SCAF4: variants seen among roughly 807,000 people sequenced by gnomAD.
SCAF4 encodes the protein SR-related CTD associated factor 4, also known as SR-related and CTD-associated factor 4.
A neutral mutation model predicts 129.8 loss-of-function variants in SCAF4; 25 were observed. That is an observed-to-expected ratio of 0.19 (90% CI 0.14 to 0.27). SCAF4 has a LOEUF of 0.27. Ranked by LOEUF, SCAF4 falls within the 10% of genes least tolerant of loss-of-function variation. The pLI, the probability that SCAF4 is intolerant of heterozygous loss-of-function variation, is 1.00. For missense variants in SCAF4, 1,246 were observed against 1,457.1 expected (o/e 0.86, Z 2.36); for synonymous variants, 551 against 497.7 (o/e 1.11, Z -1.43).
chr21:31,717,904 TACACACACACACACAC>T lies in SCAF4; in HGVS notation c.31-11563_31-11548del, dbSNP rs35191665. Among the ~76,000 whole-genome samples, 149 of 117,988 alleles carry T rather than the reference TACACACACACACACAC, an allele frequency of 1.3e-3. 1 individual carries two copies. The South Asian group carries it at 0.018, about 14-fold the overall frequency. The allele number at this position is 117,988 out of a possible 152,430, so 77.4% of individuals were successfully genotyped here. ...ATATATACACATATATACACATATA[TACACACACACACACAC>T]ACACACACACACACACACACACACA... is the stretch of plus-strand genomic sequence containing the variant. On this transcript the variant is annotated intron_variant, in intron 1 of 19. Transcript: ENST00000286835.
intron 1 of SCAF4, among the ~76,000 whole-genome samples, chr21:31,717,904 T>C (rs12626311): frequency 0.087 from 10,279 of 117,768 alleles, 586 homozygotes; most frequent in African/African-American, 0.17. Flanking sequence ...TACACATATA[T>C]ACACACACAC....
intron 1 of SCAF4, among the ~76,000 whole-genome samples, chr21:31,709,831 TAC>T (rs1332888845): frequency 6.7e-6 from 1 of 149,336 alleles, no homozygotes; most frequent in Non-Finnish European, 1.5e-5. Flanking sequence ...GCAGATCTGT[TAC>T]ACCTGTTTTG....
At chr21:31,680,687 A>T (rs2049975744) in intron 19 of SCAF4, among the ~76,000 whole-genome samples, 1 of 152,152 alleles carries the variant, frequency 6.6e-6, no homozygotes. Flanking sequence ...ACTTTCTAGA[A>T]TTTTCTTCAG....
intron 19 of SCAF4, among the ~76,000 whole-genome samples, chr21:31,674,361 G>A (rs2123460216): frequency 6.6e-6 from 1 of 152,290 alleles, no homozygotes; most frequent in East Asian, 1.9e-4. Flanking sequence ...ATATTTGTGT[G>A]TGGGATTTGC....
At chr21:31,681,489 A>G (rs1442606125) in intron 19 of SCAF4, among the ~76,000 whole-genome samples, 3 of 152,190 alleles carry the variant, frequency 2.0e-5, no homozygotes, top group East Asian at 1.9e-4. Context: ...AAAGTTTTTG[A>G]AAAGTAAAAC....
intron 1 of SCAF4, among the ~76,000 whole-genome samples, chr21:31,722,996 A>G (rs1036350724): frequency 6.6e-6 from 1 of 152,122 alleles, no homozygotes; most frequent in East Asian, 1.9e-4. Flanking sequence ...ATACATGGAT[A>G]GTATTGTGAT....
chr21:31,702,442 T>C (rs2050556627), intron 4 of SCAF4, 63 bp from the exon 5 acceptor site: 8 of 1,439,950 alleles, frequency 5.6e-6, no homozygotes, highest in South Asian at 1.3e-5. Flanking sequence ...ATTATACTCT[T>C]ACAAAAAAAA....
At chr21:31,714,220 A>G (rs1286533228) in intron 1 of SCAF4, among the ~76,000 whole-genome samples, 1 of 152,172 alleles carries the variant, frequency 6.6e-6, no homozygotes, top group African/African-American at 2.4e-5. Context: ...GAGGACAAGT[A>G]TTCAATAAAC....
chr21:31,690,775 GAGAAATTAA>G lies in SCAF4; in HGVS notation c.1885+13_1885+21del, dbSNP rs781234578. 48 of 1,601,674 alleles carry G rather than the reference GAGAAATTAA, an allele frequency of 3.0e-5. No individual in the cohort carries two copies. The highest frequency in any genetic ancestry group is 3.7e-5 in the Non-Finnish European group (43 of 1,173,548). ...TACCAAGCAAATAAGTGAACTGTAA[GAGAAATTAA>G]ATACTGCTTTACCTGGGTTAAGTGT... On this transcript the variant is annotated intron_variant, in intron 15 of 19. Transcript: ENST00000286835.
At chr21:31,724,023 T>C (rs557015139) in intron 1 of SCAF4, among the ~76,000 whole-genome samples, 2 of 152,320 alleles carry the variant, frequency 1.3e-5, no homozygotes, top group East Asian at 3.9e-4. Context: ...CAGTGCACTT[T>C]ACTGGAATAT....
At chr21:31,723,610 A>ATGTGTGTGTG (rs368505231) in intron 1 of SCAF4, among the ~76,000 whole-genome samples, 1 of 149,224 alleles carries the variant, frequency 6.7e-6, no homozygotes, top group African/African-American at 2.5e-5. Context: ...GATTTATATG[A>ATGTGTGTGTG]TGTGTGTGTG....
chr21:31,705,547 G>T, intron 2 of SCAF4, 80 bp from the exon 3 acceptor site: 1 of 574,942 alleles, frequency 1.7e-6, no homozygotes. Context: ...TTAAAACTCT[G>T]AAATCTATAC....
chr21:31,726,942 C>T (rs1018454559), intron 1 of SCAF4, among the ~76,000 whole-genome samples: 4 of 152,042 alleles, frequency 2.6e-5, no homozygotes, highest in Admixed American at 2.6e-4. Context: ...TTGATTGCCT[C>T]TCCTGCAAGT....
In SCAF4 at chr21:31,688,347, G is replaced by C. The variant is rs1232332865; in HGVS notation, c.2003C>G (p.Pro668Arg). 6.2e-7 allele frequency: 1 copy of C among 1,613,222 alleles called. No individual in the cohort carries two copies. Among genetic ancestry groups the C allele is most frequent in the Non-Finnish European group, 8.5e-7 (1 of 1,179,320 alleles). ...IPKPLPVPVP[P>R]IPVPAPITVP... ...TGTTATAGGTGCAGGAACAGGAATAGGAGGGACAGGCACAGGTAATGGTTT... is the reference window on the plus strand; with the variant it reads ...TGTTATAGGTGCAGGAACAGGAATACGAGGGACAGGCACAGGTAATGGTTT... Residue 668 changes from proline (P) to arginine (R), a missense_variant, in exon 16 of 20, where the codon CCT becomes CGT. Transcript: ENST00000286835.
chr21:31,701,309 G>T, intron 6 of SCAF4, 138 bp from the exon 7 acceptor site: 1 of 650,318 alleles, frequency 1.5e-6, no homozygotes, highest in Non-Finnish European at 2.4e-6. Context: ...ATCCTTTTAT[G>T]AATGGTTAAA....
intron 7 of SCAF4, among the ~76,000 whole-genome samples, chr21:31,699,781 A>T (rs1568844798): frequency 6.6e-6 from 1 of 152,224 alleles, no homozygotes; most frequent in Non-Finnish European, 1.5e-5. Context: ...AAGTCAAATG[A>T]TGTTTTATAA....
intron 19 of SCAF4, among the ~76,000 whole-genome samples, chr21:31,681,004 C>A (rs2049982639): frequency 6.6e-6 from 1 of 152,214 alleles, no homozygotes; most frequent in South Asian, 2.1e-4. Context: ...AATCTGGAAT[C>A]ATCAACTCAA....
At chr21:31,678,003 T>C (rs1018690991) in intron 19 of SCAF4, among the ~76,000 whole-genome samples, 4 of 152,142 alleles carry the variant, frequency 2.6e-5, no homozygotes. Context: ...TATTCTTAGC[T>C]GCCAAATGCT....
intron 1 of SCAF4, among the ~76,000 whole-genome samples, chr21:31,730,630 A>T (rs1473101633): frequency 6.6e-6 from 1 of 152,212 alleles, no homozygotes; most frequent in Non-Finnish European, 1.5e-5. Context: ...TATCTTTGGT[A>T]TTTGGAAAGG....
Sources: gnomAD v4.1 joint callset for allele counts (sites outside exome capture counted in the v4.1 genomes callset) on GRCh38, gnomAD v4.1.1 for gene constraint, MANE v1.5 for transcripts, NCBI Gene and HGNC (gene_info 2026-07-23, HGNC 2026-07-21) for gene names.